ADARB2: variants seen among roughly 807,000 people sequenced by gnomAD.
ADARB2 encodes the protein inactive double-stranded RNA-specific editase B2.
In ADARB2, 25 loss-of-function variants were observed where a neutral mutation model predicts 62.2. That is an observed-to-expected ratio of 0.40 (90% CI 0.29 to 0.56). The LOEUF (loss-of-function observed/expected upper bound fraction) is 0.56. Among genes scored for constraint, ADARB2 ranks in the 20% least tolerant of loss-of-function variants. The probability of loss-of-function intolerance (pLI) is 0.43; values close to 1 mark genes in which losing one functional copy is unlikely to be tolerated. For synonymous variants in ADARB2, 572 were observed against 500.8 expected (o/e 1.14, Z -1.90); for missense variants, 1,071 against 1,077.4 (o/e 0.99, Z 0.08).
intron 1 of ADARB2, among the ~76,000 whole-genome samples, chr10:1,482,260 C>T (rs887107079): frequency 6.6e-6 from 1 of 152,182 alleles, no homozygotes; most frequent in Non-Finnish European, 1.5e-5. Context: ...GAAAGTGGGG[C>T]TAGAATGGAT....
rs541022660 is a variant in ADARB2, at chr10:1,365,935, A to G, written c.188-2018T>C. 1.8e-4 allele frequency among the ~76,000 whole-genome samples: 28 copies of G among 152,352 alleles called. No homozygotes were observed. In the South Asian group the frequency reaches 5.8e-3, roughly 32 times the overall value. On this transcript the variant is annotated intron_variant, in intron 2 of 9. Coordinates refer to ENST00000381312, the MANE Select transcript of ADARB2 (RefSeq NM_018702.4). ...AGAATACTATATAGCAGTTGCATGT[A>G]ATGGACTATGTCTGTATGCTTCAAT...
intron 1 of ADARB2, among the ~76,000 whole-genome samples, chr10:1,550,681 T>A (rs1458668796): frequency 6.6e-6 from 1 of 152,096 alleles, no homozygotes; most frequent in Non-Finnish European, 1.5e-5. Flanking sequence ...AGGAACTGAT[T>A]TTGGAATTTG....
intron 6 of ADARB2, among the ~76,000 whole-genome samples, chr10:1,226,488 A>AT (rs1403125249): frequency 6.6e-6 from 1 of 152,102 alleles, no homozygotes; most frequent in African/African-American, 2.4e-5. Context: ...AGGTGCTCTG[A>AT]TTTTTAGAGT....
intron 1 of ADARB2, among the ~76,000 whole-genome samples, chr10:1,621,460 G>A (rs1402698144): frequency 1.6e-4 from 24 of 150,170 alleles, no homozygotes; most frequent in African/African-American, 5.9e-4. Context: ...CTGCCACTTG[G>A]GCTGGAGAGC....
intron 1 of ADARB2, among the ~76,000 whole-genome samples, chr10:1,459,488 C>G (rs574664210): frequency 6.6e-6 from 1 of 151,322 alleles, no homozygotes; most frequent in Non-Finnish European, 1.5e-5. Context: ...AAGGGCCAGG[C>G]GCAGTGGCTT....
chr10:1,430,326 C>T (rs1466583807), intron 1 of ADARB2, among the ~76,000 whole-genome samples: 1 of 152,100 alleles, frequency 6.6e-6, no homozygotes, highest in Non-Finnish European at 1.5e-5. Flanking sequence ...AGGAAATAAG[C>T]AGAATGAGAG....
At chr10:1,643,498 A>T (rs1253154075) in intron 1 of ADARB2, among the ~76,000 whole-genome samples, 1 of 152,216 alleles carries the variant, frequency 6.6e-6, no homozygotes. Context: ...GGCTAGGGTT[A>T]CTTCATGATT....
At position 1,731,897 on chromosome 10, in the gene ADARB2, G is replaced by A. The variant is rs566231365; in HGVS notation, c.100+5154C>T. The stretch of plus-strand genomic sequence containing the variant: ...TTATTCGTATATTCGGTTTCAAAAT[G>A]GCAATAAGCACTTATAAAGTCTTGC... On this transcript the variant is annotated intron_variant, in intron 1 of 9. Coordinates refer to ENST00000381312, the MANE Select transcript of ADARB2 (RefSeq NM_018702.4). Among the ~76,000 whole-genome samples, 8 of 152,220 alleles carry A rather than the reference G, an allele frequency of 5.3e-5. No individual in the cohort carries two copies. The South Asian group carries it at 1.7e-3, about 32-fold the overall frequency.
chr10:1,476,110 C>G (rs1191217778), intron 1 of ADARB2, among the ~76,000 whole-genome samples: 1 of 151,998 alleles, frequency 6.6e-6, no homozygotes, highest in Non-Finnish European at 1.5e-5. Flanking sequence ...AGAAGTAAAA[C>G]ATCCTTTGAA....
chr10:1,405,176 G>T (rs942470301), intron 1 of ADARB2, among the ~76,000 whole-genome samples: 1 of 152,186 alleles, frequency 6.6e-6, no homozygotes, highest in Non-Finnish European at 1.5e-5. Context: ...TGTGCCAGAT[G>T]CAGTAAGAGG....
At chr10:1,362,758 C>T (rs990587573) in intron 3 of ADARB2, among the ~76,000 whole-genome samples, 2 of 152,222 alleles carry the variant, frequency 1.3e-5, no homozygotes, top group Non-Finnish European at 2.9e-5. Flanking sequence ...GGGACCCGTC[C>T]CTCCCCCTGC....
At chr10:1,634,063 C>T (rs1833883681) in intron 1 of ADARB2, among the ~76,000 whole-genome samples, 1 of 152,194 alleles carries the variant, frequency 6.6e-6, no homozygotes, top group South Asian at 2.1e-4. Flanking sequence ...TGCTGTGGCT[C>T]CTGGGGCCCC....
chr10:1,371,784 TAAAAAAAA>T (rs71379114), intron 2 of ADARB2, among the ~76,000 whole-genome samples: 19,288 of 125,926 alleles, frequency 0.15, 1,914 homozygotes, highest in East Asian at 0.48. Flanking sequence ...TATTAAAAAG[TAAAAAAAA>T]AAAAAAAAAA....
intron 1 of ADARB2, among the ~76,000 whole-genome samples, chr10:1,463,957 C>A (rs755295874): frequency 6.6e-6 from 1 of 152,242 alleles, no homozygotes; most frequent in Non-Finnish European, 1.5e-5. Context: ...ATTAGGAAAG[C>A]GCAAACGCAA....
intron 1 of ADARB2, chr10:1,678,082 G>GT: frequency 1.2e-6 from 1 of 845,454 alleles, no homozygotes; most frequent in Non-Finnish European, 1.4e-6. Flanking sequence ...AGGCCTAGTG[G>GT]TTTTAAAGGC....
chr10:1,363,119 C>A lies in ADARB2; in HGVS notation c.986G>T (p.Gly329Val). The change falls in exon 3 of 10, where the codon GGT becomes GTT. Residue 329 changes from glycine to valine, a missense_variant. Gly to Val is a moderately radical substitution (Grantham distance 109). Coordinates refer to ENST00000381312, the MANE Select transcript of ADARB2 (RefSeq NM_018702.4). Reference protein sequence around the residue: ...GSGRSKKLARGQAAQAALQEL... With the variant: ...GSGRSKKLARVQAAQAALQEL... Reference sequence around the variant, plus strand: ...CTGCAGTGCGGCCTGCGCGGCCTGACCCCGGGCCAGCTTCTTGCTGCGCCC... The same window carrying A: ...CTGCAGTGCGGCCTGCGCGGCCTGAACCCGGGCCAGCTTCTTGCTGCGCCC... The A allele has an allele frequency of 6.5e-7, 1 of 1,542,988 alleles. No individual in the cohort carries two copies. Among genetic ancestry groups the A allele is most frequent in the Non-Finnish European group, 8.7e-7 (1 of 1,153,824 alleles).
intron 1 of ADARB2, among the ~76,000 whole-genome samples, chr10:1,655,926 A>G (rs1342103431): frequency 1.3e-5 from 2 of 152,220 alleles, no homozygotes; most frequent in African/African-American, 2.4e-5. Flanking sequence ...GGGTTTCACT[A>G]AAAGTTGTAT....
At chr10:1,728,895 G>A (rs1450038590) in intron 1 of ADARB2, among the ~76,000 whole-genome samples, 1 of 152,184 alleles carries the variant, frequency 6.6e-6, no homozygotes, top group Non-Finnish European at 1.5e-5. Context: ...GGCTGTCAAA[G>A]TTTCTACATT....
chr10:1,343,491 C>T (rs1171499705), intron 3 of ADARB2, among the ~76,000 whole-genome samples: 1 of 152,214 alleles, frequency 6.6e-6, no homozygotes, highest in African/African-American at 2.4e-5. Context: ...TAAAACAGAA[C>T]TACCATCTGA....
Sources: gnomAD v4.1 joint callset for allele counts (sites outside exome capture counted in the v4.1 genomes callset) on GRCh38, gnomAD v4.1.1 for gene constraint, MANE v1.5 for transcripts, NCBI Gene and HGNC (gene_info 2026-07-23, HGNC 2026-07-21) for gene names.